Variants in BNC2 observed in about 807,000 individuals in gnomAD.
BNC2 encodes zinc finger protein basonuclin-2.
Under a neutral mutation model 76.3 loss-of-function variants are expected in BNC2, and 20 were observed. The observed-to-expected ratio is 0.26, with a 90% CI of 0.18 to 0.38. The LOEUF (loss-of-function observed/expected upper bound fraction) is 0.38, where lower values mean the gene tolerates loss of function less well. BNC2 is among the 10% of genes least tolerant of loss of function. BNC2 has a pLI of 1.00. For synonymous variants in BNC2, 582 were observed against 514.8 expected (o/e 1.13, Z -1.77); for missense variants, 1,382 against 1,399.8 (o/e 0.99, Z 0.20).
intron 1 of BNC2, among the ~76,000 whole-genome samples, chr9:16,813,903 T>C (rs1234574551): frequency 6.6e-6 from 1 of 152,172 alleles, no homozygotes; most frequent in Non-Finnish European, 1.5e-5. Context: ...TTTCATGACA[T>C]TCTCAGATGA....
chr9:16,856,353 G>T (rs1819258122), intron 1 of BNC2, among the ~76,000 whole-genome samples: 2 of 151,934 alleles, frequency 1.3e-5, no homozygotes, highest in Admixed American at 6.6e-5. Context: ...AATATGTCAT[G>T]TCAGCGACTG....
At position 16,436,078 on chromosome 9, in the gene BNC2, T is replaced by C. The variant is rs781317873; in HGVS notation, c.2116A>G (p.Arg706Gly). The C allele has an allele frequency of 1.2e-6, 2 of 1,614,186 alleles. No individual in the cohort carries two copies. Among genetic ancestry groups the C allele is most frequent in the South Asian group, 2.2e-5 (2 of 91,078 alleles). ...RTRCISRTEI[R>G]RADSMTSEDQ... ...TCAGAAGTCATGCTGTCGGCCCTCC[T>C]TATTTCAGTCCTTGAAATGCACCGG... Residue 706 changes from arginine (R) to glycine (G), a missense_variant, in exon 6 of 7, where the codon AGG becomes GGG. By Grantham distance (125) the Arg-to-Gly change is moderately radical. Coordinates refer to ENST00000380672, the MANE Select transcript of BNC2 (RefSeq NM_017637.6).
chr9:16,754,281 C>G (rs1020441132), intron 1 of BNC2, among the ~76,000 whole-genome samples: 2 of 152,140 alleles, frequency 1.3e-5, no homozygotes, highest in Non-Finnish European at 2.9e-5. Context: ...ACCTATTTTC[C>G]TACTTGCCAA....
At chr9:16,468,936 A>G (rs904330603) in intron 5 of BNC2, among the ~76,000 whole-genome samples, 2 of 152,208 alleles carry the variant, frequency 1.3e-5, no homozygotes, top group African/African-American at 4.8e-5. Flanking sequence ...GACAACAGGG[A>G]TAGTAACTTT....
At chr9:16,857,077 C>T (rs1338708418) in intron 1 of BNC2, among the ~76,000 whole-genome samples, 1 of 152,060 alleles carries the variant, frequency 6.6e-6, no homozygotes, top group Non-Finnish European at 1.5e-5. Flanking sequence ...AGAAAAGTAA[C>T]ATTAATGTTT....
intron 3 of BNC2, among the ~76,000 whole-genome samples, chr9:16,636,252 G>T (rs570317587): frequency 2.6e-5 from 4 of 152,064 alleles, no homozygotes; most frequent in Non-Finnish European, 4.4e-5. Flanking sequence ...AAATAAGAAG[G>T]TCTGACCATC....
At chr9:16,427,476 G>C (rs1190869906) in intron 6 of BNC2, among the ~76,000 whole-genome samples, 2 of 152,166 alleles carry the variant, frequency 1.3e-5, no homozygotes, top group African/African-American at 2.4e-5. Flanking sequence ...TCTCTTGAAG[G>C]AGCATATTCT....
At chr9:16,711,157 AAG>A (rs1823831245) in intron 3 of BNC2, among the ~76,000 whole-genome samples, 1 of 152,192 alleles carries the variant, frequency 6.6e-6, no homozygotes, top group Non-Finnish European at 1.5e-5. Flanking sequence ...AAGGGGAAGA[AAG>A]AAAGAGAAAC....
At chr9:16,442,009 A>G (rs1377815720) in intron 5 of BNC2, among the ~76,000 whole-genome samples, 4 of 152,210 alleles carry the variant, frequency 2.6e-5, no homozygotes, top group African/African-American at 9.6e-5. Flanking sequence ...ATCAGAGTAC[A>G]TAACTGAACT....
chr9:16,683,654 C>A (rs916396852), intron 3 of BNC2, among the ~76,000 whole-genome samples: 1 of 152,064 alleles, frequency 6.6e-6, no homozygotes, highest in African/African-American at 2.4e-5. Flanking sequence ...GCAGTCTAAG[C>A]TAAAAAATAC....
At chr9:16,546,952 T>C (rs1228714773) in intron 5 of BNC2, among the ~76,000 whole-genome samples, 2 of 152,204 alleles carry the variant, frequency 1.3e-5, no homozygotes, top group Non-Finnish European at 2.9e-5. Flanking sequence ...TGTATAAGCC[T>C]GGGTGCTGGT....
At chr9:16,553,215 A>G (rs1482403385) in intron 4 of BNC2, among the ~76,000 whole-genome samples, 1 of 152,208 alleles carries the variant, frequency 6.6e-6, no homozygotes, top group African/African-American at 2.4e-5. Context: ...ACTTTTCTGA[A>G]TAAGATTCAC....
At chr9:16,557,104 G>T (rs928123993) in intron 4 of BNC2, among the ~76,000 whole-genome samples, 17 of 152,236 alleles carry the variant, frequency 1.1e-4, no homozygotes, top group Non-Finnish European at 2.4e-4. Flanking sequence ...GGTAGGTCAA[G>T]AACTCATTTA....
chr9:16,659,871 T>C (rs1475745317), intron 3 of BNC2, among the ~76,000 whole-genome samples: 1 of 152,210 alleles, frequency 6.6e-6, no homozygotes, highest in Non-Finnish European at 1.5e-5. Context: ...CTATCTTATA[T>C]GTTCTTTACT....
At chr9:16,665,653 G>A (rs1822269839) in intron 3 of BNC2, among the ~76,000 whole-genome samples, 1 of 152,096 alleles carries the variant, frequency 6.6e-6, no homozygotes, top group Non-Finnish European at 1.5e-5. Context: ...AGTCAAGACT[G>A]ATTCAGAGAT....
At chr9:16,818,388 A>G (rs1424072392) in intron 1 of BNC2, among the ~76,000 whole-genome samples, 2 of 152,182 alleles carry the variant, frequency 1.3e-5, no homozygotes, top group African/African-American at 2.4e-5. Flanking sequence ...TGGGCAACAA[A>G]GCGAGACTCC....
chr9:16,419,487 G>A lies in BNC2; in HGVS notation c.2802C>T (p.Asp934=), dbSNP rs199809062. The A allele has an allele frequency of 2.0e-4, 317 of 1,614,100 alleles. 2 individuals carry two copies. In the South Asian group the frequency reaches 3.3e-3, roughly 17 times the overall value. The stretch of plus-strand genomic sequence containing the variant: ...CTTCAGTCCCTGCGGGAGAGGAGGC[G>A]TCTTCCCTGACATCGAGCCCCATGG... ...QHPMGLDVRE[D]ASSPAGTEDS... The change falls in exon 7 of 7, where the codon GAC becomes GAT. Residue 934 remains aspartate, a synonymous_variant. Coordinates refer to ENST00000380672, the MANE Select transcript of BNC2 (RefSeq NM_017637.6).
intron 5 of BNC2, among the ~76,000 whole-genome samples, chr9:16,512,293 A>G (rs1822775185): frequency 6.6e-6 from 1 of 152,220 alleles, no homozygotes; most frequent in South Asian, 2.1e-4. Flanking sequence ...ACATGTGGTA[A>G]ATAAAATTCT....
At chr9:16,588,657 GGTCA>G (rs1302679765) in intron 3 of BNC2, among the ~76,000 whole-genome samples, 1 of 152,066 alleles carries the variant, frequency 6.6e-6, no homozygotes, top group African/African-American at 2.4e-5. Flanking sequence ...ATCAATGTTT[GGTCA>G]GTAACACTTT....
Sources: allele counts gnomAD v4.1 joint callset (sites outside exome capture counted in the v4.1 genomes callset), GRCh38; gene constraint gnomAD v4.1.1; transcripts MANE v1.5; gene names NCBI Gene and HGNC (gene_info 2026-07-23, HGNC 2026-07-21).